The following FNDC3B variants were observed in gnomAD, a reference collection of about 807,000 sequenced individuals.
FNDC3B encodes the protein fibronectin type III domain containing 3B, also known as fibronectin type III domain-containing protein 3B.
A neutral mutation model predicts 151.5 loss-of-function variants in FNDC3B; 12 were observed. The ratio of observed to expected loss-of-function variants is 0.08; its 90% CI spans 0.05 to 0.13. FNDC3B has a LOEUF of 0.13. FNDC3B is among the 10% of genes least tolerant of loss of function. FNDC3B has a pLI of 1.00. For synonymous variants in FNDC3B, 528 were observed against 549.0 expected (o/e 0.96, Z 0.54); for missense variants, 1,214 against 1,505.3 (o/e 0.81, Z 3.20).
chr3:172,138,055 A>G (rs1721459010), intron 3 of FNDC3B, among the ~76,000 whole-genome samples: 1 of 152,168 alleles, frequency 6.6e-6, no homozygotes, highest in South Asian at 2.1e-4. Flanking sequence ...CTTCCTGTCT[A>G]CACATGCCAT....
chr3:172,057,460 T>C (rs1716970704), intron 1 of FNDC3B, among the ~76,000 whole-genome samples: 1 of 152,230 alleles, frequency 6.6e-6, no homozygotes, highest in African/African-American at 2.4e-5. Context: ...AGAGTTTCTC[T>C]GCTTTAGAGG....
At chr3:172,128,065 C>A (rs762011085) in intron 2 of FNDC3B, among the ~76,000 whole-genome samples, 1 of 152,146 alleles carries the variant, frequency 6.6e-6, no homozygotes, top group Non-Finnish European at 1.5e-5. Flanking sequence ...TCCTAAAGCC[C>A]AGGAAAACAT....
chr3:172,229,046 C>T (rs766943821), intron 4 of FNDC3B, among the ~76,000 whole-genome samples: 7 of 146,302 alleles, frequency 4.8e-5, no homozygotes, highest in Non-Finnish European at 9.0e-5. Context: ...GAGATAGGAG[C>T]AAGATACATT....
At chr3:172,329,188 TG>T (rs1732511334) in intron 12 of FNDC3B, 112 bp downstream of exon 12, 1 of 1,280,848 alleles carries the variant, frequency 7.8e-7, no homozygotes, top group Non-Finnish European at 1.1e-6. Flanking sequence ...CTAAATCAAC[TG>T]GAGGTTTTCC....
intron 6 of FNDC3B, among the ~76,000 whole-genome samples, chr3:172,277,259 G>C (rs1262113524): frequency 6.6e-6 from 1 of 152,180 alleles, no homozygotes; most frequent in East Asian, 1.9e-4. Flanking sequence ...AATTATAGCA[G>C]CCTGAGCTAT....
intron 3 of FNDC3B, among the ~76,000 whole-genome samples, chr3:172,205,046 AG>A: frequency 6.6e-6 from 1 of 152,340 alleles, no homozygotes; most frequent in East Asian, 1.9e-4. Context: ...ATTTCTGTGT[AG>A]TTCTCTGCAG....
chr3:172,140,541 ACCCTTT>A (rs1721573046), intron 3 of FNDC3B, among the ~76,000 whole-genome samples: 2 of 152,080 alleles, frequency 1.3e-5, no homozygotes, highest in Non-Finnish European at 2.9e-5. Context: ...GACCTGAGAA[ACCCTTT>A]TACAGACAGC....
At position 172,344,219 on chromosome 3, in the gene FNDC3B, C is replaced by T. The variant is rs373635471; in HGVS notation, c.2211C>T (p.Thr737=). Residue 737 remains threonine (T), a synonymous_variant, in exon 19 of 26, where the codon ACC becomes ACT. Transcript: ENST00000415807. The part of the protein sequence containing the change: ...ECTVGNLLPG[T]VYRFRVRALN... The stretch of plus-strand genomic sequence containing the variant: ...CCGTCGGCAACCTGCTTCCTGGAAC[C>T]GTGTATCGCTTCCGGGTGAGGGCTC... The T allele has an allele frequency of 1.5e-5, 25 of 1,613,902 alleles. No individual in the cohort carries two copies. Among genetic ancestry groups the T allele is most frequent in the Non-Finnish European group, 1.9e-5 (22 of 1,179,962 alleles).
chr3:172,390,763 T>G (rs962501551), intron 25 of FNDC3B, among the ~76,000 whole-genome samples: 25 of 152,204 alleles, frequency 1.6e-4, no homozygotes, highest in Non-Finnish European at 2.9e-5. Flanking sequence ...GATGTCATTG[T>G]TCGATGGCAG....
At chr3:172,329,389 T>A in intron 12 of FNDC3B, 1 of 270,594 alleles carries the variant, frequency 3.7e-6, no homozygotes, top group East Asian at 6.7e-5. Flanking sequence ...ACATGCCTTT[T>A]TCTTTTATCA....
intron 3 of FNDC3B, among the ~76,000 whole-genome samples, chr3:172,215,370 C>T (rs1725923080): frequency 6.6e-6 from 1 of 152,202 alleles, no homozygotes; most frequent in Non-Finnish European, 1.5e-5. Context: ...TCTCTGTTCC[C>T]TTTCATAACT....
chr3:172,371,342 T>C (rs1193689089), intron 23 of FNDC3B, among the ~76,000 whole-genome samples: 5 of 152,136 alleles, frequency 3.3e-5, no homozygotes, highest in African/African-American at 9.7e-5. Flanking sequence ...ATCCTTTTTT[T>C]CCCCCATTAT....
At chr3:172,105,619 T>TAAAA (rs537392799) in intron 1 of FNDC3B, among the ~76,000 whole-genome samples, 1 of 127,230 alleles carries the variant, frequency 7.9e-6, no homozygotes, top group Non-Finnish European at 1.7e-5. Flanking sequence ...ATTGTTTTCT[T>TAAAA]AAAAAAAAAA....
At chr3:172,227,915 T>A (rs942337045) in intron 4 of FNDC3B, among the ~76,000 whole-genome samples, 2 of 152,194 alleles carry the variant, frequency 1.3e-5, no homozygotes, top group African/African-American at 4.8e-5. Context: ...GGCGAAAAAT[T>A]GGCAGCTACA....
intron 6 of FNDC3B, among the ~76,000 whole-genome samples, chr3:172,262,228 T>G (rs1191106528): frequency 6.6e-6 from 1 of 152,232 alleles, no homozygotes; most frequent in African/African-American, 2.4e-5. Flanking sequence ...ATTCTATTCC[T>G]CCTACTAGGT....
At chr3:172,358,705 G>A (rs1734215514) in intron 22 of FNDC3B, among the ~76,000 whole-genome samples, 1 of 152,212 alleles carries the variant, frequency 6.6e-6, no homozygotes, top group African/African-American at 2.4e-5. Flanking sequence ...GCTTTTGGCT[G>A]CCTTGAATCC....
At chr3:172,134,073 A>T (rs1287142385) in intron 3 of FNDC3B, among the ~76,000 whole-genome samples, 2 of 152,198 alleles carry the variant, frequency 1.3e-5, no homozygotes, top group Non-Finnish European at 2.9e-5. Context: ...GCCCCCGATG[A>T]TTCATGTTCC....
intron 8 of FNDC3B, among the ~76,000 whole-genome samples, chr3:172,295,988 T>A (rs1391024231): frequency 6.6e-6 from 1 of 152,226 alleles, no homozygotes; most frequent in Non-Finnish European, 1.5e-5. Flanking sequence ...ACATTTCATT[T>A]GGAGGCCTTA....
intron 1 of FNDC3B, among the ~76,000 whole-genome samples, chr3:172,089,729 GAAA>G (rs1490785257): frequency 1.8e-4 from 27 of 152,214 alleles, no homozygotes; most frequent in African/African-American, 6.5e-4. Flanking sequence ...ATGGAGGTTT[GAAA>G]ATCTCAGTGT....
Sources: gnomAD v4.1 joint callset for allele counts (sites outside exome capture counted in the v4.1 genomes callset) on GRCh38, gnomAD v4.1.1 for gene constraint, MANE v1.5 for transcripts, NCBI Gene and HGNC (gene_info 2026-07-23, HGNC 2026-07-21) for gene names.